Variants in SPATA17 observed in about 807,000 individuals in gnomAD.
SPATA17 encodes spermatogenesis associated 17, also known as spermatogenesis-associated protein 17.
Under a neutral mutation model 62.2 loss-of-function variants are expected in SPATA17, and 53 were observed. The observed-to-expected ratio is 0.85, with a 90% confidence interval of 0.68 to 1.07. The LOEUF (loss-of-function observed/expected upper bound fraction) is 1.07, where lower values mean the gene tolerates loss of function less well. Among genes scored for constraint, SPATA17 ranks in the 50% least tolerant of loss-of-function variants. SPATA17 has a pLI of 0.00. For missense variants in SPATA17, 466 were observed against 425.5 expected, an observed-to-expected ratio of 1.10 and a Z score of -0.84; for synonymous variants, 146 against 146.8, an observed-to-expected ratio of 0.99 and a Z score of 0.04.
At chr1:217,771,188 A>C (rs1211753163) in intron 6 of SPATA17, among the ~76,000 whole-genome samples, 3 of 151,320 alleles carry the variant, frequency 2.0e-5, no homozygotes, top group African/African-American at 7.3e-5. Context: ...GAATGTTAGC[A>C]TGACAGTACT....
intron 6 of SPATA17, among the ~76,000 whole-genome samples, chr1:217,751,422 C>G (rs964668456): frequency 1.3e-5 from 2 of 152,142 alleles, no homozygotes; most frequent in Admixed American, 6.5e-5. Flanking sequence ...GGCAGGTCCT[C>G]AAGTCTGGAC....
At chr1:217,809,957 A>C (rs552268986) in intron 9 of SPATA17, among the ~76,000 whole-genome samples, 1 of 152,344 alleles carries the variant, frequency 6.6e-6, no homozygotes, top group Admixed American at 6.5e-5. Flanking sequence ...TCTTTGACAT[A>C]AACATTTGTT....
At chr1:217,797,205 C>A (rs542231341) in intron 8 of SPATA17, among the ~76,000 whole-genome samples, 1 of 151,888 alleles carries the variant, frequency 6.6e-6, no homozygotes, top group Non-Finnish European at 1.5e-5. Context: ...ATAACTCAGC[C>A]CCTCAGCCCT....
chr1:217,846,792 A>C (rs12048425), intron 9 of SPATA17, among the ~76,000 whole-genome samples: 21,341 of 152,064 alleles, frequency 0.14, 1,674 homozygotes, highest in Middle Eastern at 0.2. Context: ...AAGCAACATT[A>C]TAAGAGTGGT....
At chr1:217,640,081 A>C (rs1236463070) in intron 1 of SPATA17, among the ~76,000 whole-genome samples, 3 of 149,896 alleles carry the variant, frequency 2.0e-5, no homozygotes, top group Non-Finnish European at 4.4e-5. Flanking sequence ...TTTATAATTT[A>C]TTTATAATAT....
intron 4 of SPATA17, among the ~76,000 whole-genome samples, chr1:217,671,560 A>G (rs1184011590): frequency 2.6e-5 from 4 of 152,068 alleles, no homozygotes; most frequent in Non-Finnish European, 4.4e-5. Flanking sequence ...TCTCTCCCTT[A>G]TAATTCTGGA....
intron 7 of SPATA17, among the ~76,000 whole-genome samples, chr1:217,774,877 C>T (rs1558045662): frequency 1.3e-5 from 2 of 152,298 alleles, no homozygotes; most frequent in East Asian, 3.9e-4. Context: ...GTACATACCA[C>T]ATTTTGTTTA....
chr1:217,730,308 C>G (rs13375222), intron 5 of SPATA17, among the ~76,000 whole-genome samples: 7 of 151,246 alleles, frequency 4.6e-5, no homozygotes, highest in Non-Finnish European at 1.0e-4. Context: ...ACCTCTGTCT[C>G]CCGGGTTCCA....
intron 5 of SPATA17, among the ~76,000 whole-genome samples, chr1:217,694,931 TC>T (rs1207100569): frequency 1.4e-5 from 2 of 141,672 alleles, no homozygotes; most frequent in East Asian, 4.4e-4. Context: ...TAACATTTTT[TC>T]CTTCATTTCA....
At chr1:217,692,671 T>C (rs1671366934) in intron 5 of SPATA17, among the ~76,000 whole-genome samples, 1 of 117,214 alleles carries the variant, frequency 8.5e-6, no homozygotes, top group Non-Finnish European at 1.7e-5. Context: ...GTCCCATCAA[T>C]ACCTAATTTC....
chr1:217,828,560 A>G (rs1011179965), intron 9 of SPATA17, among the ~76,000 whole-genome samples: 1 of 149,260 alleles, frequency 6.7e-6, no homozygotes, highest in Admixed American at 6.8e-5. Context: ...GGCTACCAAA[A>G]CAAAAATAAA....
chr1:217,782,695 A>G (rs1426938479), intron 8 of SPATA17, among the ~76,000 whole-genome samples: 1 of 152,164 alleles, frequency 6.6e-6, no homozygotes, highest in African/African-American at 2.4e-5. Flanking sequence ...ACTAAATATC[A>G]TTTTGATCTA....
At chr1:217,771,669 A>G (rs1004227909) in intron 6 of SPATA17, among the ~76,000 whole-genome samples, 1 of 152,206 alleles carries the variant, frequency 6.6e-6, no homozygotes. Flanking sequence ...ACTTTAAATG[A>G]TACATTTGAA....
intron 5 of SPATA17, among the ~76,000 whole-genome samples, chr1:217,699,350 G>C (rs946563120): frequency 2.0e-5 from 3 of 152,120 alleles, no homozygotes; most frequent in African/African-American, 7.2e-5. Context: ...CAGTTTCTCT[G>C]TGTCTTCACC....
At chr1:217,808,331 C>G (rs1674491519) in intron 9 of SPATA17, among the ~76,000 whole-genome samples, 1 of 144,834 alleles carries the variant, frequency 6.9e-6, no homozygotes, top group African/African-American at 2.5e-5. Flanking sequence ...GTTTCCTTCA[C>G]TAACAATTAA....
At chr1:217,747,285 G>A (rs1222977497) in intron 6 of SPATA17, among the ~76,000 whole-genome samples, 5 of 152,058 alleles carry the variant, frequency 3.3e-5, no homozygotes, top group African/African-American at 9.7e-5. Flanking sequence ...AATCTCATTT[G>A]CAGATTTGTT....
At chr1:217,820,825 T>C (rs1674839094) in intron 9 of SPATA17, among the ~76,000 whole-genome samples, 1 of 151,976 alleles carries the variant, frequency 6.6e-6, no homozygotes, top group Non-Finnish European at 1.5e-5. Flanking sequence ...TTTTTGTTGC[T>C]ATCTACAGGA....
At chr1:217,754,563 TTATG>T (rs1161044248) in intron 6 of SPATA17, among the ~76,000 whole-genome samples, 1 of 152,158 alleles carries the variant, frequency 6.6e-6, no homozygotes, top group Non-Finnish European at 1.5e-5. Flanking sequence ...TTAGATGCTA[TTATG>T]TATAACTGAT....
intron 5 of SPATA17, among the ~76,000 whole-genome samples, chr1:217,705,474 C>T (rs1251813424): frequency 4.4e-5 from 5 of 113,970 alleles, no homozygotes; most frequent in African/African-American, 6.7e-5. Flanking sequence ...TGGAGTCTCG[C>T]TCCATCACCA....
Sources: gnomAD v4.1 joint callset for allele counts (sites outside exome capture counted in the v4.1 genomes callset) on GRCh38, gnomAD v4.1.1 for gene constraint, MANE v1.5 for transcripts, NCBI Gene and HGNC (gene_info 2026-07-23, HGNC 2026-07-21) for gene names.